ARHGAP28: variants seen among roughly 807,000 people sequenced by gnomAD.
ARHGAP28 encodes the protein rho GTPase-activating protein 28.
ARHGAP28 carries 56 observed loss-of-function variants against 90.7 expected under a neutral mutation model. The ratio of observed to expected loss-of-function variants is 0.62; its 90% CI spans 0.50 to 0.77. The LOEUF (loss-of-function observed/expected upper bound fraction) is 0.77. ARHGAP28 is among the 30% of genes least tolerant of loss of function. ARHGAP28 has a pLI of 0.00. For missense variants in ARHGAP28, 869 were observed against 900.9 expected (o/e 0.96, Z 0.45); for synonymous variants, 308 against 323.3 (o/e 0.95, Z 0.51).
intron 2 of ARHGAP28, chr18:6,834,524 A>C (rs1167477066): frequency 6.6e-6 from 1 of 152,168 alleles, no homozygotes; most frequent in Non-Finnish European, 1.5e-5. Context: ...AGTATGGTAT[A>C]AGCATGTCCA....
chr18:6,895,771 C>T (rs899571624), intron 15 of ARHGAP28, among the ~76,000 whole-genome samples: 6 of 152,142 alleles, frequency 3.9e-5, no homozygotes, highest in African/African-American at 9.7e-5. Context: ...AATAAGGTCA[C>T]GTTTCGAGGT....
intron 1 of ARHGAP28, among the ~76,000 whole-genome samples, chr18:6,736,514 C>T (rs1220157539): frequency 1.3e-5 from 2 of 151,450 alleles, no homozygotes; most frequent in African/African-American, 2.4e-5. Context: ...CCGAGGTGAG[C>T]GGATCACCTG....
chr18:6,890,695 C>A, intron 14 of ARHGAP28, 152 bp downstream of exon 14: 1 of 503,432 alleles, frequency 2.0e-6, no homozygotes, highest in Non-Finnish European at 3.5e-6. Context: ...GAAAGTGGGT[C>A]CATAACAGAG....
chr18:6,850,207 C>T (rs551116479), intron 3 of ARHGAP28, among the ~76,000 whole-genome samples: 20 of 152,210 alleles, frequency 1.3e-4, no homozygotes, highest in Middle Eastern at 3.4e-3. Flanking sequence ...TTGTTACAAC[C>T]GCCTCTCAGA....
chr18:6,791,958 C>T (rs2056409834), intron 1 of ARHGAP28, among the ~76,000 whole-genome samples: 1 of 151,892 alleles, frequency 6.6e-6, no homozygotes, highest in Admixed American at 6.6e-5. Context: ...ACCACCATGC[C>T]CGGCTAATTT....
At chr18:6,815,681 A>G (rs1338736596) in intron 1 of ARHGAP28, among the ~76,000 whole-genome samples, 1 of 152,216 alleles carries the variant, frequency 6.6e-6, no homozygotes, top group African/African-American at 2.4e-5. Context: ...TAAAGCACAC[A>G]CATACACACA....
intron 4 of ARHGAP28, among the ~76,000 whole-genome samples, chr18:6,858,809 G>A (rs552528941): frequency 6.5e-4 from 99 of 151,724 alleles, no homozygotes; most frequent in African/African-American, 2.3e-3. Flanking sequence ...ACAGGCGTGA[G>A]CCACCATGCC....
chr18:6,817,754 A>G (rs1437473620), intron 1 of ARHGAP28, among the ~76,000 whole-genome samples: 1 of 152,188 alleles, frequency 6.6e-6, no homozygotes, highest in Non-Finnish European at 1.5e-5. Context: ...AATGGGAAAG[A>G]GAAAGGGATG....
Position 6,915,598 on chromosome 18 carries a change from T to C in ARHGAP28, c.*3444T>C, listed in dbSNP as rs1387181923. 2 of 152,254 alleles carry C rather than the reference T, an allele frequency of 1.3e-5. No homozygotes were observed. The highest frequency in any genetic ancestry group is 2.9e-5 in the Non-Finnish European group (2 of 68,046). The allele number at this position is 152,254 out of a possible 1,614,324, so 9.4% of individuals were successfully genotyped here. On this transcript the variant is annotated 3_prime_UTR_variant, in exon 18 of 18. Coordinates refer to ENST00000383472, the MANE Select transcript of ARHGAP28 (RefSeq NM_001366230.1). The stretch of plus-strand genomic sequence containing the variant: ...ATGACACTAGAAAACGCCAATGTTT[T>C]ATGTCTTTGCCCATCTCAAAAGCTA...
intron 1 of ARHGAP28, chr18:6,789,588 A>C (rs2143543972): frequency 6.6e-6 from 1 of 152,242 alleles, no homozygotes; most frequent in South Asian, 2.1e-4. Context: ...ATAAAGGAAG[A>C]TACAGCTAAT....
intron 4 of ARHGAP28, among the ~76,000 whole-genome samples, chr18:6,856,956 T>TA (rs1451865329): frequency 6.6e-6 from 1 of 152,242 alleles, no homozygotes; most frequent in African/African-American, 2.4e-5. Flanking sequence ...TACTAAATAA[T>TA]ATTGCATTGT....
At chr18:6,901,741 C>A (rs1158823679) in intron 16 of ARHGAP28, among the ~76,000 whole-genome samples, 1 of 152,036 alleles carries the variant, frequency 6.6e-6, no homozygotes, top group Non-Finnish European at 1.5e-5. Flanking sequence ...TCTAAGGAGA[C>A]CTGACTACTA....
intron 1 of ARHGAP28, among the ~76,000 whole-genome samples, chr18:6,776,532 C>T (rs2056285251): frequency 6.6e-6 from 1 of 152,178 alleles, no homozygotes; most frequent in South Asian, 2.1e-4. Context: ...CTCAAGTGAT[C>T]TGCCTGCCTC....
At chr18:6,874,207 G>A (rs978337947) in intron 9 of ARHGAP28, among the ~76,000 whole-genome samples, 3 of 152,134 alleles carry the variant, frequency 2.0e-5, no homozygotes, top group Non-Finnish European at 4.4e-5. Flanking sequence ...TATAGCATAG[G>A]CTGGGTTTTA....
intron 5 of ARHGAP28, among the ~76,000 whole-genome samples, chr18:6,862,125 T>C (rs2057003229): frequency 6.6e-6 from 1 of 152,194 alleles, no homozygotes; most frequent in African/African-American, 2.4e-5. Flanking sequence ...GATTATTTGC[T>C]AGAGTGGCTC....
intron 1 of ARHGAP28, among the ~76,000 whole-genome samples, chr18:6,797,733 C>G (rs564254525): frequency 6.6e-6 from 1 of 152,220 alleles, no homozygotes; most frequent in African/African-American, 2.4e-5. Context: ...GCGATCTCGC[C>G]TCACTGCAAA....
chr18:6,805,604 G>A (rs1254194063), intron 1 of ARHGAP28, among the ~76,000 whole-genome samples: 5 of 146,350 alleles, frequency 3.4e-5, no homozygotes, highest in Non-Finnish European at 7.4e-5. Flanking sequence ...TCCTTCCTCA[G>A]CCTCCTGAGT....
intron 1 of ARHGAP28, among the ~76,000 whole-genome samples, chr18:6,742,257 C>G (rs547227268): frequency 7.3e-5 from 11 of 149,934 alleles, no homozygotes; most frequent in Non-Finnish European, 1.0e-4. Context: ...ACCTCAACTT[C>G]CTGGGTTCAA....
At chr18:6,735,150 A>G (rs2055914674) in intron 1 of ARHGAP28, among the ~76,000 whole-genome samples, 1 of 152,240 alleles carries the variant, frequency 6.6e-6, no homozygotes, top group Admixed American at 6.5e-5. Flanking sequence ...CATAACTTTT[A>G]ACTTTCTATT....
Sources: allele counts gnomAD v4.1 joint callset (sites outside exome capture counted in the v4.1 genomes callset), GRCh38; gene constraint gnomAD v4.1.1; transcripts MANE v1.5; gene names NCBI Gene and HGNC (gene_info 2026-07-23, HGNC 2026-07-21).